Variants in BAZ2B observed in about 807,000 individuals in gnomAD.
The protein encoded by BAZ2B is bromodomain adjacent to zinc finger domain protein 2B.
Under a neutral mutation model 246.0 loss-of-function variants are expected in BAZ2B, and 91 were observed. That is an observed-to-expected ratio of 0.37 (90% confidence interval 0.31 to 0.44). BAZ2B has a LOEUF of 0.44. BAZ2B is among the 20% of genes least tolerant of loss of function. The pLI, the probability that BAZ2B is intolerant of heterozygous loss-of-function variation, is 1.00. For missense variants in BAZ2B, 2,332 were observed against 2,533.7 expected (o/e 0.92, Z 1.71); for synonymous variants, 855 against 860.0 (o/e 0.99, Z 0.10).
At chr2:159,630,776 C>G in the BAZ2B span, among the ~76,000 whole-genome samples, 1 of 152,022 alleles carries the variant, frequency 6.6e-6, no homozygotes, top group African/African-American at 2.4e-5. Context: ...CCTCGTGATC[C>G]GCCCGCCTCG....
At chr2:159,331,845 T>C (rs1206992079) in intron 34 of BAZ2B, among the ~76,000 whole-genome samples, 1 of 152,028 alleles carries the variant, frequency 6.6e-6, no homozygotes, top group Non-Finnish European at 1.5e-5. Context: ...AATGGGATAA[T>C]GACACATAAG....
chr2:159,522,962 T>C (rs187964061), intron 2 of BAZ2B, among the ~76,000 whole-genome samples: 39 of 152,184 alleles, frequency 2.6e-4, no homozygotes, highest in African/African-American at 9.2e-4. Context: ...ATGGAAATTA[T>C]TTGTTAAAAA....
intron 1 of BAZ2B, among the ~76,000 whole-genome samples, chr2:159,594,199 G>T (rs948182034): frequency 6.6e-6 from 1 of 152,158 alleles, no homozygotes; most frequent in African/African-American, 2.4e-5. Context: ...GTGGTCAGGG[G>T]ATCGAGACCA....
intron 4 of BAZ2B, among the ~76,000 whole-genome samples, chr2:159,451,539 T>C (rs1488013208): frequency 6.6e-6 from 1 of 152,186 alleles, no homozygotes; most frequent in Non-Finnish European, 1.5e-5. Flanking sequence ...CTCTGCCCAT[T>C]TGGCAAAAAG....
chr2:159,476,817 T>C (rs1286871528), intron 3 of BAZ2B, among the ~76,000 whole-genome samples: 3 of 152,230 alleles, frequency 2.0e-5, no homozygotes, highest in Non-Finnish European at 4.4e-5. Flanking sequence ...TACAATTGTG[T>C]GCAATCATTT....
At chr2:159,415,337 T>C (rs1576753978) in intron 13 of BAZ2B, among the ~76,000 whole-genome samples, 2 of 149,970 alleles carry the variant, frequency 1.3e-5, no homozygotes, top group East Asian at 4.0e-4. Flanking sequence ...CCCAGCTACT[T>C]GGGAGGCTGA....
intron 2 of BAZ2B, among the ~76,000 whole-genome samples, chr2:159,544,751 G>A (rs2087097226): frequency 6.6e-6 from 1 of 152,164 alleles, no homozygotes. Context: ...GTAAGGAGAG[G>A]TAGTGGCACT....
At chr2:159,593,998 C>T (rs754970325) in intron 1 of BAZ2B, among the ~76,000 whole-genome samples, 3 of 152,212 alleles carry the variant, frequency 2.0e-5, no homozygotes, top group African/African-American at 7.2e-5. Flanking sequence ...AGTTCATTCA[C>T]AATACTGTGC....
chr2:159,413,921 C>G (rs1370007122), intron 13 of BAZ2B, among the ~76,000 whole-genome samples: 1 of 152,108 alleles, frequency 6.6e-6, no homozygotes, highest in Admixed American at 6.5e-5. Flanking sequence ...CTGTATATAT[C>G]TAAAAGAAAG....
At chr2:159,483,644 G>A (rs952940148) in intron 2 of BAZ2B, among the ~76,000 whole-genome samples, 3 of 152,008 alleles carry the variant, frequency 2.0e-5, no homozygotes, top group African/African-American at 4.8e-5. Flanking sequence ...AGACCCACGC[G>A]GTAGTGGGTG....
chr2:159,366,474 G>T (rs888867237), intron 27 of BAZ2B, among the ~76,000 whole-genome samples: 4 of 152,174 alleles, frequency 2.6e-5, no homozygotes, highest in Admixed American at 2.6e-4. Context: ...CTAAGACACT[G>T]GTCACTTTTC....
intron 34 of BAZ2B, among the ~76,000 whole-genome samples, chr2:159,330,790 T>C (rs1349950877): frequency 1.3e-5 from 2 of 151,986 alleles, no homozygotes; most frequent in African/African-American, 4.8e-5. Flanking sequence ...CCTGGGGGAC[T>C]CAAGACTGCA....
chr2:159,540,042 T>C (rs1366330486), intron 2 of BAZ2B, among the ~76,000 whole-genome samples: 1 of 152,198 alleles, frequency 6.6e-6, no homozygotes, highest in African/African-American at 2.4e-5. Flanking sequence ...GGAGCTCTTA[T>C]CAATAATTGA....
At chr2:159,458,089 C>A (rs944001134) in intron 3 of BAZ2B, among the ~76,000 whole-genome samples, 6 of 152,164 alleles carry the variant, frequency 3.9e-5, no homozygotes, top group Non-Finnish European at 1.5e-5. Flanking sequence ...CTTACTGCAA[C>A]CTCTGCCTCC....
intron 33 of BAZ2B, among the ~76,000 whole-genome samples, chr2:159,336,146 G>C (rs563981842): frequency 1.6e-4 from 24 of 152,186 alleles, no homozygotes; most frequent in Middle Eastern, 6.3e-3. Flanking sequence ...GGGTGAGCGA[G>C]ACTCTGTCTC....
At chr2:159,651,679 C>T in the BAZ2B span, among the ~76,000 whole-genome samples, 1 of 152,060 alleles carries the variant, frequency 6.6e-6, no homozygotes, top group African/African-American at 2.4e-5. Context: ...ATTTTCATCA[C>T]CCACAAAAGT....
chr2:159,561,721 T>G (rs1213000403), intron 1 of BAZ2B, among the ~76,000 whole-genome samples: 2 of 152,238 alleles, frequency 1.3e-5, no homozygotes, highest in Admixed American at 6.5e-5. Context: ...TCCTAAATAT[T>G]TGAAAAATTA....
intron 2 of BAZ2B, among the ~76,000 whole-genome samples, chr2:159,490,842 C>G (rs2080376059): frequency 6.6e-6 from 1 of 152,148 alleles, no homozygotes; most frequent in Non-Finnish European, 1.5e-5. Flanking sequence ...TTGCAAACCT[C>G]TGGAGCTCCA....
intron 14 of BAZ2B, among the ~76,000 whole-genome samples, chr2:159,410,324 CTCTGTGTTCGTACCCAAA>C (rs1158596799): frequency 1.8e-4 from 27 of 152,296 alleles, no homozygotes; most frequent in Admixed American, 1.7e-3. Flanking sequence ...TATGGTTTGG[CTCTGTGTTCGTACCCAAA>C]TCTCATCTCA....
Sources: gnomAD v4.1 joint callset for allele counts (sites outside exome capture counted in the v4.1 genomes callset) on GRCh38, gnomAD v4.1.1 for gene constraint, MANE v1.5 for transcripts, NCBI Gene and HGNC (gene_info 2026-07-23, HGNC 2026-07-21) for gene names.